PTPN3: variants seen among roughly 807,000 people sequenced by gnomAD.
The protein encoded by PTPN3 is tyrosine-protein phosphatase non-receptor type 3.
In PTPN3, 96 loss-of-function variants were observed where a neutral mutation model predicts 132.7. The observed-to-expected ratio is 0.72, with a 90% CI of 0.61 to 0.86. PTPN3 has a LOEUF of 0.86. PTPN3 is among the 40% of genes least tolerant of loss of function. The pLI is 0.00. For missense variants in PTPN3, 1,125 were observed against 1,159.6 expected (o/e 0.97, Z 0.43); for synonymous variants, 398 against 429.0 (o/e 0.93, Z 0.89).
rs528424119 is a variant in PTPN3, at chr9:109,406,685, C to G, written c.1636-67G>C. 2.5e-6 allele frequency: 4 copies of G among 1,575,928 alleles called. No homozygotes were observed. In the African/African-American group the frequency reaches 5.4e-5, roughly 21 times the overall value. ...ACAGTCCTTGGGGGAAGAACGCTGACTCGCTCTGCTCCCAGACACCTGGGA... is the reference window on the plus strand; with the variant it reads ...ACAGTCCTTGGGGGAAGAACGCTGAGTCGCTCTGCTCCCAGACACCTGGGA... On this transcript the variant is annotated intron_variant, in intron 17 of 25. Coordinates refer to ENST00000374541, the MANE Select transcript of PTPN3 (RefSeq NM_002829.4).
chr9:109,506,574 T>C, the PTPN3 span, among the ~76,000 whole-genome samples: 1 of 144,654 alleles, frequency 6.9e-6, no homozygotes, highest in African/African-American at 2.6e-5. Flanking sequence ...CTTCCTTCCT[T>C]CCTCTCTCTC....
the PTPN3 span, among the ~76,000 whole-genome samples, chr9:109,513,782 G>T: frequency 2.0e-5 from 3 of 152,140 alleles, no homozygotes; most frequent in African/African-American, 4.8e-5. Context: ...CAAACAACAT[G>T]CAACAAGCTG....
rs1275342059 is a variant in PTPN3, at chr9:109,376,740, A to G, written c.*2816T>C. 1 of 152,254 alleles carries G rather than the reference A, an allele frequency of 6.6e-6. No individual in the cohort carries two copies. Among genetic ancestry groups the G allele is most frequent in the African/African-American group, 2.4e-5 (1 of 41,472 alleles). The allele number at this position is 152,254 out of a possible 1,614,324, so 9.4% of individuals were successfully genotyped here. ...CTTAGGACTAAAAAAAGGCTTAAGT[A>G]TAATTGCTTAAGTGTATAAGGTGGT... is the stretch of plus-strand genomic sequence containing the variant. On this transcript the variant is annotated 3_prime_UTR_variant, in exon 26 of 26. Coordinates refer to ENST00000374541, the MANE Select transcript of PTPN3 (RefSeq NM_002829.4).
At chr9:109,392,299 T>C (rs189132084) in intron 19 of PTPN3, among the ~76,000 whole-genome samples, 15 of 152,342 alleles carry the variant, frequency 9.8e-5, no homozygotes, top group South Asian at 4.1e-4. Context: ...TGACTGCTTT[T>C]TCCCTTTAAT....
At chr9:109,432,712 C>A (rs1333782349) in intron 10 of PTPN3, among the ~76,000 whole-genome samples, 1 of 152,098 alleles carries the variant, frequency 6.6e-6, no homozygotes, top group East Asian at 1.9e-4. Flanking sequence ...CAGTTAATAA[C>A]CGAGGAACAG....
At chr9:109,479,138 A>G (rs1846839344) in intron 1 of PTPN3, among the ~76,000 whole-genome samples, 2 of 151,566 alleles carry the variant, frequency 1.3e-5, no homozygotes, top group African/African-American at 4.8e-5. Flanking sequence ...ATTTCCAGAA[A>G]TTTTTCATCA....
chr9:109,508,221 C>T, the PTPN3 span, among the ~76,000 whole-genome samples: 2 of 151,328 alleles, frequency 1.3e-5, no homozygotes, highest in Admixed American at 6.6e-5. Flanking sequence ...AGTGCAGCGG[C>T]GCGATCTTGG....
intron 5 of PTPN3, chr9:109,449,400 A>C (rs1238156900): frequency 4.1e-6 from 4 of 985,620 alleles, no homozygotes; most frequent in Non-Finnish European, 4.8e-6. Flanking sequence ...TGGGTGCATG[A>C]GCAAAAGCAT....
the PTPN3 span, among the ~76,000 whole-genome samples, chr9:109,514,977 C>T: frequency 1.3e-4 from 20 of 151,932 alleles, no homozygotes; most frequent in East Asian, 1.9e-4. Flanking sequence ...CTAAATTTTT[C>T]GGGTGGTTTG....
At chr9:109,394,179 G>C (rs568919842) in intron 19 of PTPN3, among the ~76,000 whole-genome samples, 2 of 152,296 alleles carry the variant, frequency 1.3e-5, no homozygotes, top group East Asian at 3.9e-4. Context: ...AACTGATTAA[G>C]TGAATATAAT....
intron 1 of PTPN3, among the ~76,000 whole-genome samples, chr9:109,496,584 G>A (rs1369257287): frequency 1.3e-5 from 2 of 152,206 alleles, no homozygotes; most frequent in Admixed American, 6.5e-5. Context: ...GACGATACAG[G>A]TGAATGTACT....
the PTPN3 span, among the ~76,000 whole-genome samples, chr9:109,508,280 C>T: frequency 6.6e-6 from 1 of 151,998 alleles, no homozygotes; most frequent in South Asian, 2.1e-4. Flanking sequence ...CCTGCCTCAG[C>T]GTCCCAAGTA....
At chr9:109,429,165 T>A in intron 10 of PTPN3, 1 of 535,586 alleles carries the variant, frequency 1.9e-6, no homozygotes, top group Non-Finnish European at 2.4e-6. Flanking sequence ...GATACTAGGC[T>A]GCTACTAAGA....
chr9:109,391,366 T>C (rs1840072883), intron 20 of PTPN3, 105 bp downstream of exon 20: 1 of 1,349,292 alleles, frequency 7.4e-7, no homozygotes, highest in Admixed American at 2.1e-5. Flanking sequence ...CGGTGGTGTT[T>C]ACAGACACAC....
intron 24 of PTPN3, 109 bp downstream of exon 24, chr9:109,382,193 G>T: frequency 7.5e-7 from 1 of 1,338,264 alleles, no homozygotes; most frequent in Non-Finnish European, 1.0e-6. Flanking sequence ...GGTTTGTAAG[G>T]GCACACGACT....
chr9:109,525,353 T>C, the PTPN3 span, among the ~76,000 whole-genome samples: 1 of 152,234 alleles, frequency 6.6e-6, no homozygotes, highest in Non-Finnish European at 1.5e-5. Context: ...CCACTGCACC[T>C]AGCTGTTATA....
rs1220092494 is a variant in PTPN3 at position 109,396,807 on chromosome 9, G to T, written c.1954-5246C>A. 2.0e-5 allele frequency among the ~76,000 whole-genome samples: 3 copies of T among 152,100 alleles called. No homozygotes were observed. The East Asian group carries it at 5.8e-4, about 29-fold the overall frequency. On this transcript the variant is annotated intron_variant, in intron 19 of 25. Transcript: ENST00000374541. ...GTAGGGGTGCAATGGATGGTTTTTT[G>T]GCTTAAATATTTCTTCTTAGAACAA... is the stretch of plus-strand genomic sequence containing the variant.
chr9:109,421,063 G>A (rs180922317), intron 13 of PTPN3, among the ~76,000 whole-genome samples: 4 of 152,320 alleles, frequency 2.6e-5, no homozygotes, highest in African/African-American at 9.6e-5. Flanking sequence ...CCCTTCATGT[G>A]AATTTCACTT....
the PTPN3 span, among the ~76,000 whole-genome samples, chr9:109,505,892 G>C: frequency 6.6e-6 from 1 of 152,080 alleles, no homozygotes; most frequent in South Asian, 2.1e-4. Context: ...TGGGACTACA[G>C]GAGCCTGCCG....
Sources: gnomAD v4.1 joint callset for allele counts (sites outside exome capture counted in the v4.1 genomes callset) on GRCh38, gnomAD v4.1.1 for gene constraint, MANE v1.5 for transcripts, NCBI Gene and HGNC (gene_info 2026-07-23, HGNC 2026-07-21) for gene names.